CTNNA2: variants seen among roughly 807,000 people sequenced by gnomAD.
CTNNA2 encodes the protein catenin alpha 2.
CTNNA2 carries 42 observed loss-of-function variants against 101.0 expected under a neutral mutation model. That is an observed-to-expected ratio of 0.42 (90% CI 0.32 to 0.54). The LOEUF (loss-of-function observed/expected upper bound fraction) is 0.54. CTNNA2 is among the 20% of genes least tolerant of loss of function. The probability of loss-of-function intolerance (pLI) is 0.14; values close to 1 mark genes in which losing one functional copy is unlikely to be tolerated. For missense variants in CTNNA2, 871 were observed against 1,223.1 expected (o/e 0.71, Z 4.29); for synonymous variants, 450 against 456.4 (o/e 0.99, Z 0.18).
chr2:80,141,856 T>A (rs1703029766), intron 7 of CTNNA2, among the ~76,000 whole-genome samples: 1 of 27,932 alleles, frequency 3.6e-5, no homozygotes, highest in African/African-American at 3.1e-4. Flanking sequence ...AAAGATAGCA[T>A]TTTTTTTTTT....
At chr2:80,072,069 T>C (rs1476830158) in intron 7 of CTNNA2, among the ~76,000 whole-genome samples, 1 of 152,160 alleles carries the variant, frequency 6.6e-6, no homozygotes, top group Non-Finnish European at 1.5e-5. Context: ...AGTCTATAGA[T>C]AGACACTGAG....
At chr2:80,198,143 C>G (rs935220848) in intron 7 of CTNNA2, among the ~76,000 whole-genome samples, 1 of 152,158 alleles carries the variant, frequency 6.6e-6, no homozygotes, top group Non-Finnish European at 1.5e-5. Context: ...ACAATAAACT[C>G]CAATGGAGGA....
At position 80,560,069 on chromosome 2, in the gene CTNNA2, A is replaced by G. The variant is rs66952915; in HGVS notation, c.1741+4176A>G. On this transcript the variant is annotated intron_variant, in intron 12 of 18. Transcript: ENST00000402739. ...AACAATAGACCAAAAAAAAAAAAAA[A>G]AAAGAAAAAAGCATATTTTAAAAAG... Among the ~76,000 whole-genome samples, 102 of 141,038 alleles carry G rather than the reference A, an allele frequency of 7.2e-4. 2 individuals carry two copies. Among genetic ancestry groups the G allele is most frequent in the Non-Finnish European group, 7.8e-4 (51 of 65,752 alleles). The allele number at this position is 141,038 out of a possible 152,430, so 92.5% of individuals were successfully genotyped here.
intron 9 of CTNNA2, among the ~76,000 whole-genome samples, chr2:80,429,214 C>T (rs1359256722): frequency 2.0e-5 from 3 of 152,020 alleles, no homozygotes; most frequent in Non-Finnish European, 4.4e-5. Context: ...TTCAAGGCCC[C>T]CCCTTAGACT....
chr2:79,219,771 G>T (rs1674318254), intron 2 of CTNNA2, among the ~76,000 whole-genome samples: 1 of 152,234 alleles, frequency 6.6e-6, no homozygotes, highest in African/African-American at 2.4e-5. Flanking sequence ...TGAATTTGCA[G>T]AGGAGAAACA....
intron 7 of CTNNA2, among the ~76,000 whole-genome samples, chr2:80,365,708 T>C (rs1674861922): frequency 6.6e-6 from 1 of 152,180 alleles, no homozygotes; most frequent in Non-Finnish European, 1.5e-5. Flanking sequence ...GTAACTGTTT[T>C]CATAAGTGAA....
At chr2:80,628,919 C>A (rs941136779) in intron 18 of CTNNA2, among the ~76,000 whole-genome samples, 1 of 152,122 alleles carries the variant, frequency 6.6e-6, no homozygotes, top group Non-Finnish European at 1.5e-5. Context: ...GGAACAAGAA[C>A]TGAATGCTGA....
chr2:79,730,434 T>C (rs1687125855), intron 2 of CTNNA2, among the ~76,000 whole-genome samples: 1 of 152,078 alleles, frequency 6.6e-6, no homozygotes, highest in South Asian at 2.1e-4. Flanking sequence ...AAAACTGTTT[T>C]TATATATGCT....
At chr2:80,230,246 CT>C (rs1168658653) in intron 7 of CTNNA2, among the ~76,000 whole-genome samples, 10 of 131,246 alleles carry the variant, frequency 7.6e-5, no homozygotes, top group Middle Eastern at 8.3e-3. Context: ...CTCTCTCTCT[CT>C]TTTTTTTTCT....
At chr2:79,858,320 A>AT in intron 4 of CTNNA2, 141 bp downstream of exon 4, 1 of 462,784 alleles carries the variant, frequency 2.2e-6, no homozygotes, top group Non-Finnish European at 3.8e-6. Flanking sequence ...CCCACGTCCA[A>AT]TTTTTTCTAA....
At chr2:80,274,518 C>G (rs1012264759) in intron 7 of CTNNA2, among the ~76,000 whole-genome samples, 1 of 152,170 alleles carries the variant, frequency 6.6e-6, no homozygotes, top group African/African-American at 2.4e-5. Flanking sequence ...CTCTTCTGCT[C>G]TATGCTGTAG....
intron 7 of CTNNA2, among the ~76,000 whole-genome samples, chr2:80,075,808 A>T (rs937669327): frequency 7.0e-6 from 1 of 142,460 alleles, no homozygotes. Context: ...TAAATATTAT[A>T]AAAATAATAT....
At chr2:79,542,061 T>A (rs933082890) in intron 1 of CTNNA2, among the ~76,000 whole-genome samples, 1 of 152,170 alleles carries the variant, frequency 6.6e-6, no homozygotes, top group African/African-American at 2.4e-5. Context: ...TTTAGCTTTT[T>A]AAAAACTAGG....
Position 80,619,111 on chromosome 2 carries a change from C to T in CTNNA2, c.2457C>T (p.Thr819=). ...SGTGVQSTFT[T]FYEVDCDVID... Reference sequence around the variant, plus strand: ...CAGGAGTTCAGAGCACTTTCACTACCTTTTATGAGGTAGATTGTGATGTCA... The same window carrying T: ...CAGGAGTTCAGAGCACTTTCACTACTTTTTATGAGGTAGATTGTGATGTCA... The change falls in exon 18 of 19, where the codon ACC becomes ACT. Residue 819 remains threonine, a synonymous_variant. Coordinates refer to ENST00000402739, the MANE Select transcript of CTNNA2 (RefSeq NM_001282597.3). 1 of 1,538,172 alleles carries T rather than the reference C, an allele frequency of 6.5e-7. No individual in the cohort carries two copies. Among genetic ancestry groups the T allele is most frequent in the Non-Finnish European group, 8.8e-7 (1 of 1,139,990 alleles).
At chr2:79,375,641 A>G (rs759839586) in intron 4 of CTNNA2, among the ~76,000 whole-genome samples, 2 of 152,196 alleles carry the variant, frequency 1.3e-5, no homozygotes, top group Non-Finnish European at 2.9e-5. Flanking sequence ...GGAAAAATGA[A>G]TGATATTAAA....
chr2:79,602,997 C>T (rs1226805026), intron 1 of CTNNA2, among the ~76,000 whole-genome samples: 1 of 152,050 alleles, frequency 6.6e-6, no homozygotes, highest in African/African-American at 2.4e-5. Flanking sequence ...CAAAGATAGT[C>T]AAAATTTACT....
At chr2:80,415,997 AC>A (rs1389527987) in intron 8 of CTNNA2, among the ~76,000 whole-genome samples, 1 of 152,208 alleles carries the variant, frequency 6.6e-6, no homozygotes, top group African/African-American at 2.4e-5. Flanking sequence ...AAACAAACAA[AC>A]AAGAGGTGGA....
intron 7 of CTNNA2, among the ~76,000 whole-genome samples, chr2:80,085,342 T>C (rs1434280297): frequency 6.6e-6 from 1 of 152,094 alleles, no homozygotes; most frequent in African/African-American, 2.4e-5. Context: ...AAACATTTCC[T>C]CTGTTCACAT....
intron 2 of CTNNA2, among the ~76,000 whole-genome samples, chr2:79,725,614 C>A (rs1573798968): frequency 6.6e-6 from 1 of 152,178 alleles, no homozygotes; most frequent in East Asian, 1.9e-4. Context: ...ATTCAAGGAT[C>A]AATAAAATCT....
Sources: gnomAD v4.1 joint callset for allele counts (sites outside exome capture counted in the v4.1 genomes callset) on GRCh38, gnomAD v4.1.1 for gene constraint, MANE v1.5 for transcripts, NCBI Gene and HGNC (gene_info 2026-07-23, HGNC 2026-07-21) for gene names.